Variants in FARP2 observed in about 807,000 individuals in gnomAD.
FARP2 encodes FERM, ARH/RhoGEF and pleckstrin domain protein 2.
A neutral mutation model predicts 130.5 loss-of-function variants in FARP2; 111 were observed. The observed-to-expected ratio is 0.85, with a 90% CI of 0.73 to 1.00. FARP2 has a LOEUF of 1.00. Among genes scored for constraint, FARP2 ranks in the 50% least tolerant of loss-of-function variants. FARP2 has a pLI of 0.00. For synonymous variants in FARP2, 504 were observed against 516.9 expected (o/e 0.98, Z 0.34); for missense variants, 1,385 against 1,346.3 (o/e 1.03, Z -0.45).
intron 6 of FARP2, 53 bp downstream of exon 6, chr2:241,411,183 C>G: frequency 8.1e-7 from 1 of 1,240,426 alleles, no homozygotes; most frequent in Non-Finnish European, 1.2e-6. Flanking sequence ...CACAGATATA[C>G]CCGCACTCAG....
At chr2:241,473,065 G>A (rs2064361181) in intron 18 of FARP2, among the ~76,000 whole-genome samples, 1 of 151,360 alleles carries the variant, frequency 6.6e-6, no homozygotes, top group Non-Finnish European at 1.5e-5. Context: ...CTGTTGTGAG[G>A]GCATTATGTT....
At chr2:241,356,800 G>C (rs1386666985) in intron 1 of FARP2, among the ~76,000 whole-genome samples, 1 of 152,266 alleles carries the variant, frequency 6.6e-6, no homozygotes, top group Non-Finnish European at 1.5e-5. Context: ...GGACACCCCA[G>C]AGTGGGCCAT....
At chr2:241,489,876 G>T in intron 21 of FARP2, 86 bp from the exon 22 acceptor site, 1 of 884,398 alleles carries the variant, frequency 1.1e-6, no homozygotes, top group Non-Finnish European at 1.9e-6. Context: ...ACCTAGCATT[G>T]CCAGCAGTCA....
chr2:241,431,646 A>G, intron 8 of FARP2, 33 bp from the exon 9 acceptor site: 2 of 1,099,580 alleles, frequency 1.8e-6, no homozygotes, highest in Non-Finnish European at 2.8e-6. Context: ...TGTGCCAGAT[A>G]CAAATGTAAT....
chr2:241,431,707 G>T lies in FARP2; in HGVS notation c.800G>T (p.Trp267Leu). ...ACCACCAAAATCAACACTTTCAACT[G>T]GTCCAAGGTCCGTAAACTAAGCTTC... ...QGTTKINTFN[W>L]SKVRKLSFKR... is the part of the protein sequence containing the mutation. Residue 267 changes from tryptophan (W) to leucine (L), a missense_variant, in exon 9 of 27, where the codon TGG becomes TTG. Physicochemically the swap from Trp to Leu is moderately conservative, Grantham distance 61. Coordinates refer to ENST00000264042, the MANE Select transcript of FARP2 (RefSeq NM_014808.4). 6.2e-7 allele frequency: 1 copy of T among 1,601,582 alleles called. No individual in the cohort carries two copies. Among genetic ancestry groups the T allele is most frequent in the Middle Eastern group, 1.7e-4 (1 of 6,044 alleles).
intron 8 of FARP2, among the ~76,000 whole-genome samples, chr2:241,431,333 A>G (rs2063084585): frequency 6.6e-6 from 1 of 151,614 alleles, no homozygotes; most frequent in Non-Finnish European, 1.5e-5. Flanking sequence ...AAATTAGGCA[A>G]GAGTGGTGTC....
chr2:241,452,853 A>G (rs1471526477), intron 13 of FARP2, among the ~76,000 whole-genome samples: 1 of 151,272 alleles, frequency 6.6e-6, no homozygotes, highest in African/African-American at 2.4e-5. Context: ...AGGCACGAGA[A>G]TCGCTTGAAC....
At chr2:241,472,454 G>A (rs2064347195) in intron 18 of FARP2, among the ~76,000 whole-genome samples, 1 of 151,340 alleles carries the variant, frequency 6.6e-6, no homozygotes, top group South Asian at 2.1e-4. Flanking sequence ...TTTCTGTGGG[G>A]ACCCTGTTCT....
At chr2:241,493,229 G>A in intron 25 of FARP2, 64 bp from the exon 26 acceptor site, 1 of 1,556,490 alleles carries the variant, frequency 6.4e-7, no homozygotes, top group Non-Finnish European at 8.8e-7. Flanking sequence ...GCAGGTAGCA[G>A]AGGAATGGGC....
intron 1 of FARP2, among the ~76,000 whole-genome samples, chr2:241,365,295 A>C (rs1243423827): frequency 2.6e-5 from 4 of 151,982 alleles, no homozygotes; most frequent in Admixed American, 2.6e-4. Context: ...CTGATCCCCA[A>C]CTCGTTGGAT....
chr2:241,406,180 C>A (rs957195135), intron 4 of FARP2, among the ~76,000 whole-genome samples: 2 of 145,516 alleles, frequency 1.4e-5, no homozygotes, highest in African/African-American at 2.5e-5. Context: ...TGGTGGGGGG[C>A]GCCTGTAGTC....
Position 241,463,931 on chromosome 2 carries a change from G to T in FARP2, c.1844G>T (p.Ser615Ile), listed in dbSNP as rs752746489. 13 of 1,614,130 alleles carry T rather than the reference G, an allele frequency of 8.1e-6. No individual in the cohort carries two copies. The South Asian group carries it at 1.4e-4, about 18-fold the overall frequency. Residue 615 changes from serine to isoleucine, a missense_variant, in exon 17 of 27, where the codon AGT becomes ATT. Ser to Ile is a moderately radical substitution (Grantham distance 142, BLOSUM62 -2). Coordinates refer to ENST00000264042, the MANE Select transcript of FARP2 (RefSeq NM_014808.4). The stretch of plus-strand genomic sequence containing the variant: ...CCCTCCAAAGCCCACACAAAAGGCA[G>T]TCATCAACGAATCGGGGACATCCTG... ...EGPSKAHTKG[S>I]HQRIGDILLR...
At chr2:241,461,017 A>G (rs1349451789) in intron 14 of FARP2, among the ~76,000 whole-genome samples, 1 of 152,176 alleles carries the variant, frequency 6.6e-6, no homozygotes, top group Non-Finnish European at 1.5e-5. Context: ...CCTCTCATCC[A>G]CGAGGGTAGA....
At chr2:241,360,598 C>G (rs1317281960) in intron 1 of FARP2, among the ~76,000 whole-genome samples, 1 of 150,086 alleles carries the variant, frequency 6.7e-6, no homozygotes, top group African/African-American at 2.5e-5. Flanking sequence ...CACTTGAACC[C>G]GAGAGGTGGA....
chr2:241,468,258 A>C lies in FARP2; in HGVS notation c.2012A>C (p.Tyr671Ser). The change falls in exon 18 of 27, where the codon TAC becomes TCC. Residue 671 changes from tyrosine to serine, a missense_variant. By Grantham distance (144) the Tyr-to-Ser change is moderately radical. Coordinates refer to ENST00000264042, the MANE Select transcript of FARP2 (RefSeq NM_014808.4). ...YKEFELQKVC[Y>S]LPLNTFLLKP... is the part of the protein sequence containing the mutation. ...GAGTTTGAGCTGCAGAAGGTCTGCTACTTGCCTCTCAACACGTTCCTGCTG... is the reference window on the plus strand; with the variant it reads ...GAGTTTGAGCTGCAGAAGGTCTGCTCCTTGCCTCTCAACACGTTCCTGCTG... The C allele has an allele frequency of 6.2e-7, 1 of 1,613,994 alleles. No individual in the cohort carries two copies. The highest frequency in any genetic ancestry group is 8.5e-7 in the Non-Finnish European group (1 of 1,179,978).
intron 21 of FARP2, chr2:241,489,229 G>A (rs934369597): frequency 6.6e-6 from 1 of 152,260 alleles, no homozygotes; most frequent in Non-Finnish European, 1.5e-5. Context: ...TGGTCCTGGG[G>A]ACAGAGAACT....
At chr2:241,434,775 C>G (rs2063178998) in intron 10 of FARP2, among the ~76,000 whole-genome samples, 187 bp from the exon 11 acceptor site, 1 of 152,046 alleles carries the variant, frequency 6.6e-6, no homozygotes, top group Non-Finnish European at 1.5e-5. Flanking sequence ...TCGCTTAAAC[C>G]CATGAGGCAG....
At chr2:241,434,650 G>A (rs1043301204) in intron 10 of FARP2, among the ~76,000 whole-genome samples, 3 of 152,098 alleles carry the variant, frequency 2.0e-5, no homozygotes, top group Non-Finnish European at 4.4e-5. Flanking sequence ...TCAGGAATTC[G>A]ATATCAGCCT....
chr2:241,442,563 A>G (rs2063415380), intron 13 of FARP2: 2 of 436,274 alleles, frequency 4.6e-6, no homozygotes, highest in African/African-American at 2.0e-5. Context: ...AAGGCAACCC[A>G]CTCACCCACG....
Sources: allele counts gnomAD v4.1 joint callset (sites outside exome capture counted in the v4.1 genomes callset), GRCh38; gene constraint gnomAD v4.1.1; transcripts MANE v1.5; gene names NCBI Gene and HGNC (gene_info 2026-07-23, HGNC 2026-07-21).